KIF14: variants seen among roughly 807,000 people sequenced by gnomAD.
KIF14 encodes kinesin family member 14, also known as kinesin-like protein KIF14.
KIF14 carries 98 observed loss-of-function variants against 176.2 expected under a neutral mutation model. That is an observed-to-expected ratio of 0.56 (90% CI 0.47 to 0.66). KIF14 has a LOEUF of 0.66. KIF14 is among the 30% of genes least tolerant of loss of function. The pLI is 0.00. For synonymous variants in KIF14, 566 were observed against 632.2 expected, an observed-to-expected ratio of 0.90 and a Z score of 1.57; for missense variants, 1,751 against 1,920.4, an observed-to-expected ratio of 0.91 and a Z score of 1.65.
At chr1:200,555,496 A>G (rs1417749624) in intron 27 of KIF14, 42 bp from the exon 28 acceptor site, 1 of 1,180,280 alleles carries the variant, frequency 8.5e-7, no homozygotes, top group Non-Finnish European at 1.2e-6. Flanking sequence ...TTTATTATTC[A>G]GAAGTACAAA....
At chr1:200,558,177 T>TGC (rs1656941533) in intron 27 of KIF14, among the ~76,000 whole-genome samples, 1 of 151,794 alleles carries the variant, frequency 6.6e-6, no homozygotes, top group Non-Finnish European at 1.5e-5. Context: ...GCTGGTTTCA[T>TGC]ATTCTGGGCT....
intron 9 of KIF14, 96 bp downstream of exon 9, chr1:200,603,743 T>C (rs987253166): frequency 4.1e-6 from 3 of 735,662 alleles, no homozygotes; most frequent in African/African-American, 1.7e-5. Context: ...GATAAAGATA[T>C]ATTTGGGGAG....
chr1:200,567,033 G>C (rs1349593120), intron 23 of KIF14, among the ~76,000 whole-genome samples: 1 of 150,988 alleles, frequency 6.6e-6, no homozygotes, highest in Non-Finnish European at 1.5e-5. Flanking sequence ...AATCAGCCAG[G>C]CATGGTGGTG....
At position 200,580,255 on chromosome 1, in the gene KIF14, T is replaced by C. The variant is rs761149773; in HGVS notation, c.3464A>G (p.Glu1155Gly). ...SKLAAMKELY[E>G]SNGSNRGEDA... Reference sequence around the variant, plus strand: ...AGAGATTTTAATAATATTCCAAACCTCATAAAGTTCTTTCATTGCTGCAAG... The same window carrying C: ...AGAGATTTTAATAATATTCCAAACCCCATAAAGTTCTTTCATTGCTGCAAG... The change falls in exon 21 of 30, where the codon GAG (glutamate) becomes GGG (glycine). Residue 1155 changes from glutamate to glycine, a missense_variant and splice_region_variant. Physicochemically the swap from Glu to Gly is moderately conservative, Grantham distance 98 (BLOSUM62 -2). Transcript: ENST00000367350. 9 of 1,395,232 alleles carry C rather than the reference T, an allele frequency of 6.5e-6. No individual in the cohort carries two copies. Among genetic ancestry groups the C allele is most frequent in the Non-Finnish European group, 7.6e-6 (8 of 1,057,878 alleles). The allele number at this position is 1,395,232 out of a possible 1,614,324, so 86.4% of individuals were successfully genotyped here.
intron 23 of KIF14, among the ~76,000 whole-genome samples, chr1:200,568,561 G>C (rs1657595897): frequency 6.6e-6 from 1 of 152,106 alleles, no homozygotes; most frequent in African/African-American, 2.4e-5. Context: ...TATGTGTACT[G>C]TAAAGTGCAT....
intron 4 of KIF14, among the ~76,000 whole-genome samples, chr1:200,611,642 C>A (rs1660159972): frequency 6.6e-6 from 1 of 152,150 alleles, no homozygotes; most frequent in South Asian, 2.1e-4. Flanking sequence ...GCTGGGGCCA[C>A]ACTGGAGAGG....
rs201887625 is a variant in KIF14 at position 200,553,647 on chromosome 1, A to T, written c.4688T>A (p.Val1563Glu). 561 of 1,614,062 alleles carry T rather than the reference A, an allele frequency of 3.5e-4. 7 individuals are homozygous for T. In the South Asian group the frequency reaches 5.9e-3, roughly 17 times the overall value. ...TAGTTCCTGGTGGACAATGTGAGTT[A>T]CTCTACTCTCATAGCTGCCAACAGA... is the stretch of plus-strand genomic sequence containing the variant. ...STSVGSYESR[V>E]THIVHQELES... The change falls in exon 30 of 30, where the codon GTA becomes GAA. Residue 1563 changes from valine to glutamate, a missense_variant. By Grantham distance (121) the Val-to-Glu change is moderately radical (BLOSUM62 -2). Coordinates refer to ENST00000367350, the MANE Select transcript of KIF14 (RefSeq NM_014875.3).
Position 200,603,836 on chromosome 1 carries a change from T to C in KIF14, c.1863+3A>G. On this transcript the variant is annotated splice_donor_region_variant and intron_variant, in intron 9 of 29. Coordinates refer to ENST00000367350, the MANE Select transcript of KIF14 (RefSeq NM_014875.3). ...TCAAAAGGAGAAAAAGCATTCCATT[T>C]ACCTTTAGTCGATCTCCATTAGTGT... is the stretch of plus-strand genomic sequence containing the variant. The C allele has an allele frequency of 1.3e-6, 2 of 1,552,744 alleles. No individual in the cohort carries two copies. Among genetic ancestry groups the C allele is most frequent in the Non-Finnish European group, 1.8e-6 (2 of 1,124,924 alleles).
rs1659710026 is a variant in KIF14, at chr1:200,603,217, G to A, written c.1979+9C>T. ...TTATACAATTCTTTATACTTCAAAA[G>A]ATACTTGCCATGTAAGAACAGATTC... On this transcript the variant is annotated intron_variant, in intron 10 of 29. Transcript: ENST00000367350. 3.4e-6 allele frequency: 5 copies of A among 1,477,244 alleles called. No individual in the cohort carries two copies. Among genetic ancestry groups the A allele is most frequent in the Middle Eastern group, 1.7e-4 (1 of 5,782 alleles). 91.5% of individuals were successfully genotyped at this position (1,477,244 alleles called of 1,614,324 possible).
intron 3 of KIF14, among the ~76,000 whole-genome samples, chr1:200,614,790 CAAAAAAAAAAAA>C (rs67447333): frequency 6.7e-5 from 5 of 74,876 alleles, no homozygotes; most frequent in Admixed American, 3.9e-4. Flanking sequence ...AACCTTGCTA[CAAAAAAAAAAAA>C]AAAAAAAAAA....
chr1:200,587,832 G>A (rs756102323), intron 18 of KIF14, among the ~76,000 whole-genome samples: 4 of 151,932 alleles, frequency 2.6e-5, no homozygotes, highest in Non-Finnish European at 4.4e-5. Flanking sequence ...AACCAAAAAT[G>A]GTAACAATCA....
chr1:200,572,396 G>T (rs979844760), intron 22 of KIF14, among the ~76,000 whole-genome samples: 1 of 152,288 alleles, frequency 6.6e-6, no homozygotes, highest in African/African-American at 2.4e-5. Flanking sequence ...CCAGGCTGGA[G>T]TGCAGTGGCG....
intron 28 of KIF14, 69 bp downstream of exon 28, chr1:200,555,311 A>G: frequency 2.1e-6 from 2 of 971,186 alleles, no homozygotes; most frequent in South Asian, 3.0e-5. Flanking sequence ...AAATAAAAAT[A>G]TCTACATTTG....
intron 14 of KIF14, among the ~76,000 whole-genome samples, chr1:200,594,649 G>T (rs1014444557): frequency 1.3e-5 from 2 of 152,086 alleles, no homozygotes; most frequent in East Asian, 3.9e-4. Context: ...CTACATATTT[G>T]AGTCTTTTTA....
intron 18 of KIF14, among the ~76,000 whole-genome samples, chr1:200,587,386 A>G (rs1658806791): frequency 1.3e-5 from 2 of 149,872 alleles, no homozygotes; most frequent in African/African-American, 4.9e-5. Context: ...CAGAAAAAAA[A>G]GAAGAAAAAA....
chr1:200,601,662 C>T (rs1012750067), intron 11 of KIF14, among the ~76,000 whole-genome samples: 6 of 152,118 alleles, frequency 3.9e-5, no homozygotes, highest in Non-Finnish European at 7.4e-5. Context: ...TACTGTTTCC[C>T]CCTTACTCAC....
intron 23 of KIF14, among the ~76,000 whole-genome samples, chr1:200,565,942 C>G (rs1330280949): frequency 1.3e-5 from 2 of 152,120 alleles, no homozygotes; most frequent in Admixed American, 6.5e-5. Flanking sequence ...AGAAACTACC[C>G]CTCTGCTGCT....
chr1:200,599,154 G>A (rs1279391445), intron 13 of KIF14, among the ~76,000 whole-genome samples: 2 of 152,118 alleles, frequency 1.3e-5, no homozygotes, highest in African/African-American at 2.4e-5. Context: ...TAATTCTCTC[G>A]AAAGGGTGCT....
At chr1:200,570,370 T>C (rs892080525) in intron 22 of KIF14, among the ~76,000 whole-genome samples, 8 of 152,144 alleles carry the variant, frequency 5.3e-5, no homozygotes, top group African/African-American at 1.9e-4. Context: ...CATAGAGTGT[T>C]GTGGTAGATT....
Sources: allele counts gnomAD v4.1 joint callset (sites outside exome capture counted in the v4.1 genomes callset), GRCh38; gene constraint gnomAD v4.1.1; transcripts MANE v1.5; gene names NCBI Gene and HGNC (gene_info 2026-07-23, HGNC 2026-07-21).